MED21: variants seen among roughly 807,000 people sequenced by gnomAD.
MED21 encodes mediator of RNA polymerase II transcription subunit 21.
In MED21, 9 loss-of-function variants were observed where a neutral mutation model predicts 18.2. The ratio of observed to expected loss-of-function variants is 0.49; its 90% CI spans 0.30 to 0.86. The LOEUF is 0.86. Among genes scored for constraint, MED21 ranks in the 40% least tolerant of loss-of-function variants. The pLI is 0.07. For missense variants in MED21, 150 were observed against 170.9 expected (o/e 0.88, Z 0.68); for synonymous variants, 73 against 60.5 (o/e 1.21, Z -0.96).
chr12:27,025,584 A>C lies in MED21; in HGVS notation c.43-836A>C, dbSNP rs183169549. ...GAGAAAGATTTGTAGTATTAGCAGA[A>C]TATGAAGATCAAAGGAAAGTAAGAA... On this transcript the variant is annotated intron_variant, in intron 1 of 3. Transcript: ENST00000282892. Among the ~76,000 whole-genome samples the C allele has an allele frequency of 3.2e-3, 481 of 152,348 alleles. 4 individuals are homozygous for C. The highest frequency in any genetic ancestry group is 0.015 in the Admixed American group (236 of 15,306).
In MED21 at chr12:27,029,666, A is replaced by G. The variant is rs1308794781; in HGVS notation, c.*1205A>G. ...CACCAGCGTTAGCTGTAAAAGTTGCAGCAATTTATTGGCTAGTCATAGAAA... is the reference window on the plus strand; with the variant it reads ...CACCAGCGTTAGCTGTAAAAGTTGCGGCAATTTATTGGCTAGTCATAGAAA... On this transcript the variant is annotated 3_prime_UTR_variant, in exon 4 of 4. Transcript: ENST00000282892. 1.0e-6 allele frequency: 1 copy of G among 985,348 alleles called. No individual in the cohort carries two copies. Among genetic ancestry groups the G allele is most frequent in the Non-Finnish European group, 1.2e-6 (1 of 829,950 alleles). The allele number at this position is 985,348 out of a possible 1,614,324, so 61.0% of individuals were successfully genotyped here. A position where few individuals can be genotyped will look rare whatever the true frequency, so the allele number is the denominator to read the frequency against.
chr12:27,034,456 T>G (rs1221548951), downstream of MED21, among the ~76,000 whole-genome samples: 2 of 152,164 alleles, frequency 1.3e-5, no homozygotes, highest in Non-Finnish European at 2.9e-5. Flanking sequence ...TTAATAAATT[T>G]AAATAGATAA....
At chr12:27,035,490 A>G (rs1257191498), downstream of MED21, among the ~76,000 whole-genome samples, 1 of 148,948 alleles carries the variant, frequency 6.7e-6, no homozygotes, top group East Asian at 2.0e-4. Flanking sequence ...CACAATGTGC[A>G]GGTTAGTTAC....
downstream of MED21, among the ~76,000 whole-genome samples, chr12:27,032,990 C>T (rs550796529): frequency 6.6e-6 from 1 of 152,220 alleles, no homozygotes; most frequent in East Asian, 1.9e-4. Context: ...CTCTCCTCCA[C>T]GTTAGTTTTT....
At chr12:27,034,780 C>T (rs1370092900), downstream of MED21, among the ~76,000 whole-genome samples, 2 of 152,112 alleles carry the variant, frequency 1.3e-5, no homozygotes, top group Non-Finnish European at 2.9e-5. Flanking sequence ...AACGGAGTTT[C>T]GCGCTTGTCG....
At chr12:27,026,704 C>T (rs1375812778) in intron 2 of MED21, among the ~76,000 whole-genome samples, 170 bp downstream of exon 2, 1 of 152,214 alleles carries the variant, frequency 6.6e-6, no homozygotes, top group African/African-American at 2.4e-5. Context: ...CACCTAACAT[C>T]TCATAATTCT....
chr12:27,025,945 T>C (rs931485957), intron 1 of MED21, among the ~76,000 whole-genome samples: 2 of 152,234 alleles, frequency 1.3e-5, no homozygotes, highest in African/African-American at 4.8e-5. Context: ...TTCCTCACTA[T>C]TTCTTTACAC....
chr12:27,037,706 T>TA (rs931633202), intron 2 of MED21: 1 of 152,192 alleles, frequency 6.6e-6, no homozygotes, highest in South Asian at 2.1e-4. Flanking sequence ...GATGCCCTTT[T>TA]AAAAAAACAT....
At chr12:27,022,714 G>C (rs1941487458) in intron 1 of MED21, 93 bp downstream of exon 1, 1 of 1,604,110 alleles carries the variant, frequency 6.2e-7, no homozygotes, top group Non-Finnish European at 8.5e-7. Context: ...TTGAAAGTGG[G>C]GAGCGGACTG....
chr12:27,022,734 GC>G, intron 1 of MED21, 113 bp downstream of exon 1: 2 of 1,588,400 alleles, frequency 1.3e-6, no homozygotes, highest in Non-Finnish European at 1.7e-6. Flanking sequence ...GAGAGACAGG[GC>G]TTCGGCATAA....
At position 27,029,519 on chromosome 12, in the gene MED21, T is replaced by C. The variant is rs1019973504; in HGVS notation, c.*1058T>C. The C allele has an allele frequency of 6.1e-6, 6 of 985,430 alleles. No homozygotes were observed. The highest frequency in any genetic ancestry group is 7.2e-6 in the Non-Finnish European group (6 of 829,924). 61.0% of individuals were successfully genotyped at this position (985,430 alleles called of 1,614,324 possible). On this transcript the variant is annotated 3_prime_UTR_variant, in exon 4 of 4. Transcript: ENST00000282892. ...GCTGAGCTACATTTGCTGCAATCTG[T>C]TGCTATTCAGAGTTTAAGTTTCAGG...
chr12:27,031,000 C>T (rs999563917), downstream of MED21, among the ~76,000 whole-genome samples: 14 of 152,208 alleles, frequency 9.2e-5, no homozygotes, highest in African/African-American at 2.2e-4. Context: ...CTCAGCTTCT[C>T]GGGCTTAAGT....
chr12:27,022,767 A>G, intron 1 of MED21, 146 bp downstream of exon 1: 1 of 1,539,032 alleles, frequency 6.5e-7, no homozygotes. Context: ...GGGAGGCGCC[A>G]CCGCGAACTC....
At chr12:27,026,399 A>G (rs761594678) in intron 1 of MED21, 21 bp from the exon 2 acceptor site, 7 of 1,517,028 alleles carry the variant, frequency 4.6e-6, no homozygotes, top group South Asian at 2.3e-5. Flanking sequence ...TCTAACCTTG[A>G]TATGTTTTCT....
intron 2 of MED21, among the ~76,000 whole-genome samples, chr12:27,036,736 A>T (rs1382242086): frequency 6.6e-6 from 1 of 152,196 alleles, no homozygotes; most frequent in Non-Finnish European, 1.5e-5. Flanking sequence ...TTTGTCAAAG[A>T]TCAGATAGTT....
intron 1 of MED21, among the ~76,000 whole-genome samples, chr12:27,023,633 C>G (rs1460932370): frequency 6.6e-6 from 1 of 152,094 alleles, no homozygotes. Context: ...AAATTCTACT[C>G]TCTATTAAAG....
In MED21 at chr12:27,028,944, T is replaced by G. The variant is rs1941580958; in HGVS notation, c.*483T>G. ...AAGAAAGTTTTGGAAATTGTGTTGC[T>G]TTTAAGAAATAGAGTTAGTGTGGCT... On this transcript the variant is annotated 3_prime_UTR_variant, in exon 4 of 4. Coordinates refer to ENST00000282892, the MANE Select transcript of MED21 (RefSeq NM_004264.5). 1 of 985,560 alleles carries G rather than the reference T, an allele frequency of 1.0e-6. No homozygotes were observed. The highest frequency in any genetic ancestry group is 4.7e-5 in the South Asian group (1 of 21,308). The allele number at this position is 985,560 out of a possible 1,614,324, so 61.1% of individuals were successfully genotyped here. A position where few individuals can be genotyped will look rare whatever the true frequency, so the allele number is the denominator to read the frequency against.
rs1441287605 is a variant in MED21, at chr12:27,029,685, A to G, written c.*1224A>G. The G allele has an allele frequency of 1.0e-5, 10 of 985,350 alleles. No homozygotes were observed. Among genetic ancestry groups the G allele is most frequent in the Admixed American group, 6.1e-5 (1 of 16,270 alleles). The allele number at this position is 985,350 out of a possible 1,614,324, so 61.0% of individuals were successfully genotyped here. On this transcript the variant is annotated 3_prime_UTR_variant, in exon 4 of 4. Coordinates refer to ENST00000282892, the MANE Select transcript of MED21 (RefSeq NM_004264.5). The stretch of plus-strand genomic sequence containing the variant: ...AGTTGCAGCAATTTATTGGCTAGTC[A>G]TAGAAAATTTTTGAACTTTTAACTG...
At chr12:27,023,239 T>C (rs1277297489) in intron 1 of MED21, among the ~76,000 whole-genome samples, 1 of 151,814 alleles carries the variant, frequency 6.6e-6, no homozygotes, top group Non-Finnish European at 1.5e-5. Context: ...GGGACATCTT[T>C]ATGATAGGAA....
Sources: allele counts gnomAD v4.1 joint callset (sites outside exome capture counted in the v4.1 genomes callset), GRCh38; gene constraint gnomAD v4.1.1; transcripts MANE v1.5; gene names NCBI Gene and HGNC (gene_info 2026-07-23, HGNC 2026-07-21).